The following ANAPC1 variants were observed in gnomAD, a reference collection of about 807,000 sequenced individuals.
ANAPC1 encodes the protein anaphase promoting complex subunit 1, also known as anaphase-promoting complex subunit 1.
A neutral mutation model predicts 208.0 loss-of-function variants in ANAPC1; 36 were observed. The ratio of observed to expected loss-of-function variants is 0.17; its 90% CI spans 0.13 to 0.23. ANAPC1 has a LOEUF of 0.23. Among genes scored for constraint, ANAPC1 ranks in the 10% least tolerant of loss-of-function variants. The pLI is 1.00. For missense variants in ANAPC1, 942 were observed against 2,011.6 expected, an observed-to-expected ratio of 0.47 and a Z score of 10.17; for synonymous variants, 378 against 695.2, an observed-to-expected ratio of 0.54 and a Z score of 7.18.
At chr2:111,773,574 G>A (rs1295022871) in intron 46 of ANAPC1, among the ~76,000 whole-genome samples, 1 of 152,084 alleles carries the variant, frequency 6.6e-6, no homozygotes, top group Admixed American at 6.6e-5. Context: ...TAGAGAGCAT[G>A]AGCGGGCAGG....
chr2:111,843,936 T>TA (rs1680912864), intron 16 of ANAPC1, among the ~76,000 whole-genome samples: 1 of 148,394 alleles, frequency 6.7e-6, no homozygotes, highest in African/African-American at 2.5e-5. Flanking sequence ...GCGATTCTCC[T>TA]ACCTCAGCCA....
At chr2:111,808,459 G>A (rs1371862889) in intron 29 of ANAPC1, among the ~76,000 whole-genome samples, 1 of 151,856 alleles carries the variant, frequency 6.6e-6, no homozygotes, top group Non-Finnish European at 1.5e-5. Context: ...ACCATTTCCA[G>A]GTTCATCACC....
At chr2:111,869,111 C>T (rs1056716395) in intron 6 of ANAPC1, among the ~76,000 whole-genome samples, 5 of 152,170 alleles carry the variant, frequency 3.3e-5, no homozygotes, top group Admixed American at 3.3e-4. Flanking sequence ...CATTTAGCTA[C>T]TTTAACTTTG....
intron 38 of ANAPC1, among the ~76,000 whole-genome samples, chr2:111,790,131 C>G (rs1410169396): frequency 2.0e-5 from 3 of 152,198 alleles, no homozygotes; most frequent in Non-Finnish European, 1.5e-5. Context: ...AGCCATTGAT[C>G]AAGGTCACAC....
At chr2:111,791,474 G>C (rs1309293639) in intron 38 of ANAPC1, among the ~76,000 whole-genome samples, 2 of 151,296 alleles carry the variant, frequency 1.3e-5, no homozygotes, top group African/African-American at 4.9e-5. Context: ...TTCCCTAACA[G>C]CACTGTTCAT....
At chr2:111,767,562 C>T (rs571596609), downstream of ANAPC1, 1 of 154,314 alleles carries the variant, frequency 6.5e-6, no homozygotes, top group East Asian at 1.9e-4. Flanking sequence ...TCTTTTAAAG[C>T]TGATATTTGC....
intron 19 of ANAPC1, among the ~76,000 whole-genome samples, chr2:111,833,983 T>C (rs940452444): frequency 2.6e-5 from 4 of 152,206 alleles, no homozygotes; most frequent in African/African-American, 7.2e-5. Context: ...AGTATGACCC[T>C]AGAATTCTGA....
At chr2:111,777,979 A>G (rs1355004609) in intron 45 of ANAPC1, among the ~76,000 whole-genome samples, 2 of 152,304 alleles carry the variant, frequency 1.3e-5, no homozygotes, top group Non-Finnish European at 2.9e-5. Context: ...GCATGGAATT[A>G]AAGGATCTGT....
intron 6 of ANAPC1, among the ~76,000 whole-genome samples, chr2:111,870,184 G>A (rs1352270653): frequency 5.9e-5 from 9 of 152,298 alleles, no homozygotes; most frequent in Admixed American, 5.9e-4. Context: ...ACATACATGT[G>A]CATGTATCTT....
chr2:111,878,890 T>C lies in ANAPC1; in HGVS notation c.295A>G (p.Met99Val), dbSNP rs562493599. ...TTACTTCCTTTGCTCCATATCACCATATTTCCAGCAACATAGAGTTCCTCA... is the reference window on the plus strand; with the variant it reads ...TTACTTCCTTTGCTCCATATCACCACATTTCCAGCAACATAGAGTTCCTCA... ...YDEELYVAGN[M>V]VIWSKGSKSQ... Residue 99 changes from methionine (M) to valine (V), a missense_variant, in exon 3 of 48, where the codon ATG becomes GTG. Met to Val is a conservative substitution (Grantham distance 21). Coordinates refer to ENST00000341068, the MANE Select transcript of ANAPC1 (RefSeq NM_022662.4). 6.2e-6 allele frequency: 10 copies of C among 1,607,022 alleles called. No homozygotes were observed. Among genetic ancestry groups the C allele is most frequent in the East Asian group, 2.2e-5 (1 of 44,816 alleles).
At chr2:111,831,146 C>T in intron 21 of ANAPC1, 140 bp downstream of exon 21, 1 of 626,998 alleles carries the variant, frequency 1.6e-6, no homozygotes, top group Non-Finnish European at 2.6e-6. Context: ...TCTATATCCT[C>T]ATTGTAGTAA....
intron 23 of ANAPC1, 32 bp downstream of exon 23, chr2:111,825,099 T>C (rs1679760872): frequency 6.2e-7 from 1 of 1,613,924 alleles, no homozygotes; most frequent in African/African-American, 1.3e-5. Context: ...TTTAAGTGTT[T>C]GACATAAAAG....
intron 47 of ANAPC1, among the ~76,000 whole-genome samples, chr2:111,772,112 GTGTT>G (rs1184669857): frequency 1.4e-5 from 2 of 146,102 alleles, no homozygotes; most frequent in Non-Finnish European, 1.5e-5. Flanking sequence ...GTATAGATCA[GTGTT>G]TGGGGCTCTG....
chr2:111,810,913 G>A (rs937670628), intron 28 of ANAPC1, among the ~76,000 whole-genome samples: 1 of 149,926 alleles, frequency 6.7e-6, no homozygotes, highest in African/African-American at 2.5e-5. Flanking sequence ...AAAGAACAGT[G>A]GTACCAACTA....
At chr2:111,806,586 C>A (rs1213356119) in intron 29 of ANAPC1, among the ~76,000 whole-genome samples, 3 of 91,684 alleles carry the variant, frequency 3.3e-5, no homozygotes, top group Non-Finnish European at 6.5e-5. Context: ...ATCCACACAT[C>A]ACATGTGGTG....
chr2:111,881,688 C>G (rs1271185349), intron 1 of ANAPC1, among the ~76,000 whole-genome samples: 2 of 152,218 alleles, frequency 1.3e-5, no homozygotes, highest in Non-Finnish European at 2.9e-5. Flanking sequence ...CTTCGATCCA[C>G]TTTCCTGTAC....
chr2:111,787,136 G>T (rs1333442236), intron 39 of ANAPC1, among the ~76,000 whole-genome samples: 2 of 143,772 alleles, frequency 1.4e-5, no homozygotes, highest in Admixed American at 7.0e-5. Context: ...GCGACAGAGC[G>T]AGACTCTATC....
intron 2 of ANAPC1, among the ~76,000 whole-genome samples, chr2:111,879,622 G>A (rs1683193186): frequency 6.6e-6 from 1 of 152,192 alleles, no homozygotes; most frequent in Non-Finnish European, 1.5e-5. Flanking sequence ...TGTAATCCCA[G>A]CACTTTGGGA....
intron 16 of ANAPC1, among the ~76,000 whole-genome samples, chr2:111,846,023 A>G (rs953803743): frequency 1.8e-4 from 28 of 151,822 alleles, no homozygotes; most frequent in Non-Finnish European, 2.9e-4. Context: ...AGGAATCTCT[A>G]TATCAACTTG....
Sources: allele counts gnomAD v4.1 joint callset (sites outside exome capture counted in the v4.1 genomes callset), GRCh38; gene constraint gnomAD v4.1.1; transcripts MANE v1.5; gene names NCBI Gene and HGNC (gene_info 2026-07-23, HGNC 2026-07-21).